The following ZCCHC14 variants were observed in gnomAD, a reference collection of about 807,000 sequenced individuals.
ZCCHC14 encodes zinc finger CCHC domain-containing protein 14.
Under a neutral mutation model 85.0 loss-of-function variants are expected in ZCCHC14, and 16 were observed. The observed-to-expected ratio is 0.19, with a 90% CI of 0.13 to 0.29. The LOEUF is 0.29. ZCCHC14 is among the 10% of genes least tolerant of loss of function. The pLI is 1.00. For synonymous variants in ZCCHC14, 775 were observed against 630.7 expected (o/e 1.23, Z -3.43); for missense variants, 1,303 against 1,443.5 (o/e 0.90, Z 1.58).
At chr16:87,418,710 C>G in intron 7 of ZCCHC14, 137 bp downstream of exon 7, 1 of 905,116 alleles carries the variant, frequency 1.1e-6, no homozygotes. Context: ...TCAATCATCT[C>G]TACTCAATTC....
chr16:87,414,081 C>T (rs1908633262), intron 10 of ZCCHC14, among the ~76,000 whole-genome samples: 1 of 152,248 alleles, frequency 6.6e-6, no homozygotes, highest in African/African-American at 2.4e-5. Context: ...ACACAAGGCC[C>T]TCTCTGTGTC....
intron 1 of ZCCHC14, chr16:87,471,500 C>A (rs937413309): frequency 6.6e-6 from 1 of 152,270 alleles, no homozygotes; most frequent in Non-Finnish European, 1.5e-5. Context: ...CTTAACTAGA[C>A]CAGCTCCCAG....
At chr16:87,422,939 C>A (rs1240166878) in intron 4 of ZCCHC14, among the ~76,000 whole-genome samples, 1 of 152,108 alleles carries the variant, frequency 6.6e-6, no homozygotes, top group Non-Finnish European at 1.5e-5. Context: ...GAAGGCGTGG[C>A]ACTGTCGTGT....
At chr16:87,442,980 T>C (rs1333822508) in intron 2 of ZCCHC14, among the ~76,000 whole-genome samples, 1 of 152,162 alleles carries the variant, frequency 6.6e-6, no homozygotes, top group Non-Finnish European at 1.5e-5. Flanking sequence ...CTGAAAGAAC[T>C]GCTAAAGTTC....
chr16:87,430,441 G>T (rs1909594899), intron 3 of ZCCHC14, among the ~76,000 whole-genome samples: 1 of 152,038 alleles, frequency 6.6e-6, no homozygotes, highest in Non-Finnish European at 1.5e-5. Context: ...TTGAAATCAG[G>T]TTGTGCAAGT....
chr16:87,422,493 G>C (rs117465898), intron 4 of ZCCHC14, among the ~76,000 whole-genome samples: 14 of 152,018 alleles, frequency 9.2e-5, no homozygotes, highest in Non-Finnish European at 2.1e-4. Flanking sequence ...GGGAGGCCGA[G>C]GAGGACAGAT....
At chr16:87,430,768 C>A (rs950770694) in intron 3 of ZCCHC14, among the ~76,000 whole-genome samples, 1 of 152,146 alleles carries the variant, frequency 6.6e-6, no homozygotes, top group Admixed American at 6.5e-5. Flanking sequence ...GTGATCCACC[C>A]ACCTTGGCCT....
chr16:87,428,669 C>T (rs1199565284), intron 3 of ZCCHC14, among the ~76,000 whole-genome samples: 1 of 152,228 alleles, frequency 6.6e-6, no homozygotes. Flanking sequence ...TGGCAGGGAG[C>T]ATCACCCCTG....
At position 87,413,109 on chromosome 16, in the gene ZCCHC14, TGGGGCTGGAGGA is replaced by T. The variant is rs1377926704; in HGVS notation, c.1678_1689del (p.Ser560_Pro563del). The T allele has an allele frequency of 6.2e-7, 1 of 1,613,952 alleles. No homozygotes were observed. Among genetic ancestry groups the T allele is most frequent in the Admixed American group, 1.7e-5 (1 of 60,004 alleles). On this transcript the variant is annotated inframe_deletion, in exon 11 of 13. Coordinates refer to ENST00000671377, the MANE Select transcript of ZCCHC14 (RefSeq NM_015144.3). ...CTCTCTTCCCGGGCCTGTACCCCCA[TGGGGCTGGAGGA>T]GGAGCTGGAGTACTCCGAGGAACTG...
chr16:87,455,171 C>T (rs1046994064), intron 2 of ZCCHC14, among the ~76,000 whole-genome samples: 1 of 152,164 alleles, frequency 6.6e-6, no homozygotes, highest in Non-Finnish European at 1.5e-5. Context: ...GCCTGTAATC[C>T]CAGCTGCTAG....
intron 2 of ZCCHC14, among the ~76,000 whole-genome samples, chr16:87,439,563 A>G (rs989915821): frequency 1.2e-4 from 18 of 152,372 alleles, no homozygotes; most frequent in African/African-American, 3.8e-4. Flanking sequence ...TAAAAAATAA[A>G]AAGATTAAAT....
At chr16:87,439,305 T>C (rs1910076183) in intron 2 of ZCCHC14, among the ~76,000 whole-genome samples, 2 of 152,238 alleles carry the variant, frequency 1.3e-5, no homozygotes, top group South Asian at 2.1e-4. Context: ...AGCTAATTTT[T>C]GTATTTTTAG....
chr16:87,417,051 C>T (rs1908822754), intron 8 of ZCCHC14, among the ~76,000 whole-genome samples: 1 of 152,124 alleles, frequency 6.6e-6, no homozygotes. Flanking sequence ...TCTCTAGGTA[C>T]GACTGCTTGG....
intron 3 of ZCCHC14, among the ~76,000 whole-genome samples, chr16:87,432,352 A>G (rs906663731): frequency 1.3e-5 from 2 of 152,144 alleles, no homozygotes; most frequent in Non-Finnish European, 2.9e-5. Context: ...CCAACAAAAT[A>G]TAAGTGAAGT....
chr16:87,467,363 G>C (rs1225922194), intron 1 of ZCCHC14: 8 of 1,597,532 alleles, frequency 5.0e-6, no homozygotes, highest in Non-Finnish European at 6.9e-6. Flanking sequence ...GCACCCCTGG[G>C]GTAATTAAGC....
At chr16:87,436,277 G>A (rs12931123) in intron 2 of ZCCHC14, among the ~76,000 whole-genome samples, 78,953 of 152,230 alleles carry the variant, frequency 0.52, 23,435 homozygotes, top group South Asian at 0.71. Flanking sequence ...GGCTCCAAAT[G>A]TTGGCGCATC....
At chr16:87,486,565 T>C (rs1258636086) in intron 1 of ZCCHC14, among the ~76,000 whole-genome samples, 2 of 152,210 alleles carry the variant, frequency 1.3e-5, no homozygotes, top group African/African-American at 2.4e-5. Flanking sequence ...TCTGTGTCCT[T>C]AAGCAGCACA....
chr16:87,455,827 T>C (rs79280457), intron 2 of ZCCHC14, among the ~76,000 whole-genome samples: 5 of 152,300 alleles, frequency 3.3e-5, no homozygotes, highest in African/African-American at 9.6e-5. Flanking sequence ...ACAGACTCAA[T>C]AGATTACATG....
chr16:87,410,535 G>A (rs1253207225), intron 12 of ZCCHC14, among the ~76,000 whole-genome samples, 200 bp from the exon 13 acceptor site: 2 of 152,230 alleles, frequency 1.3e-5, no homozygotes, highest in South Asian at 2.1e-4. Context: ...TCTGACCGGG[G>A]TGAAATGACT....
Sources: gnomAD v4.1 joint callset for allele counts (sites outside exome capture counted in the v4.1 genomes callset) on GRCh38, gnomAD v4.1.1 for gene constraint, MANE v1.5 for transcripts, NCBI Gene and HGNC (gene_info 2026-07-23, HGNC 2026-07-21) for gene names.